PCDHA6: variants seen among roughly 807,000 people sequenced by gnomAD.
PCDHA6 encodes the protein protocadherin alpha-6.
PCDHA6 carries 55 observed loss-of-function variants against 60.3 expected under a neutral mutation model. That is an observed-to-expected ratio of 0.91 (90% CI 0.73 to 1.14). PCDHA6 has a LOEUF of 1.14. PCDHA6 is among the 50% of genes most tolerant of loss of function. The pLI, the probability that PCDHA6 is intolerant of heterozygous loss-of-function variation, is 0.00. For synonymous variants in PCDHA6, 652 were observed against 557.9 expected, an observed-to-expected ratio of 1.17 and a Z score of -2.38; for missense variants, 1,327 against 1,256.5, an observed-to-expected ratio of 1.06 and a Z score of -0.85.
intron 1 of PCDHA6, chr5:140,852,674 C>G (rs1302085462): frequency 2.9e-5 from 28 of 966,250 alleles, no homozygotes; most frequent in African/African-American, 3.6e-5. Context: ...GCACAACTCA[C>G]CTTGAATATA....
intron 1 of PCDHA6, among the ~76,000 whole-genome samples, chr5:140,965,644 G>A (rs201197561): frequency 6.6e-6 from 1 of 152,028 alleles, no homozygotes; most frequent in African/African-American, 2.4e-5. Flanking sequence ...AATTACTCTT[G>A]AAAGAAAATG....
At chr5:140,951,420 T>G (rs1212893926) in intron 1 of PCDHA6, among the ~76,000 whole-genome samples, 3 of 151,992 alleles carry the variant, frequency 2.0e-5, no homozygotes, top group African/African-American at 7.2e-5. Flanking sequence ...TGGCTCACAG[T>G]TCCACAGGCT....
intron 1 of PCDHA6, among the ~76,000 whole-genome samples, chr5:140,840,107 G>A (rs2150303526): frequency 2.6e-5 from 4 of 151,884 alleles, no homozygotes; most frequent in East Asian, 1.9e-4. Flanking sequence ...TAGTGAAATC[G>A]AGTGAAAGCT....
rs781870271 is a variant in PCDHA6, at chr5:140,968,199, T to C, written c.2395-10750T>C. The C allele has an allele frequency of 4.3e-6, 7 of 1,613,986 alleles. No homozygotes were observed. The South Asian group carries it at 7.7e-5, about 18-fold the overall frequency. The stretch of plus-strand genomic sequence containing the variant: ...CTGGAGGACTCCTATTCCATCTACA[T>C]ACAGGAGAACAATTTGCCAGGTGTG... On this transcript the variant is annotated intron_variant, in intron 1 of 3. Transcript: ENST00000529310.
At chr5:140,834,868 T>C in intron 1 of PCDHA6, 1 of 1,609,592 alleles carries the variant, frequency 6.2e-7, no homozygotes, top group Non-Finnish European at 8.5e-7. Flanking sequence ...GATGCAGATA[T>C]CGGGGAGAAC....
chr5:140,884,335 A>G, intron 1 of PCDHA6: 1 of 1,613,888 alleles, frequency 6.2e-7, no homozygotes, highest in Non-Finnish European at 8.5e-7. Flanking sequence ...CTGTGGGTCC[A>G]GAAGCGGCGC....
intron 1 of PCDHA6, among the ~76,000 whole-genome samples, chr5:140,838,075 A>AGTGTGTG (rs781914509): frequency 1.3e-4 from 17 of 128,240 alleles, no homozygotes; most frequent in East Asian, 1.2e-3. Flanking sequence ...TTATATATAT[A>AGTGTGTG]TAGTGTGTGT....
intron 1 of PCDHA6, chr5:140,928,636 A>G: frequency 6.2e-7 from 1 of 1,614,206 alleles, no homozygotes; most frequent in Non-Finnish European, 8.5e-7. Context: ...CTTGGTCACA[A>G]AAGTGGTAGC....
intron 1 of PCDHA6, among the ~76,000 whole-genome samples, chr5:140,916,064 T>G (rs1282899200): frequency 1.3e-5 from 2 of 152,156 alleles, no homozygotes; most frequent in African/African-American, 4.8e-5. Flanking sequence ...CCTCTCCCTG[T>G]GGCCAGTACT....
Position 140,851,565 on chromosome 5 carries a change from G to A in PCDHA6, c.2394+21080G>A, listed in dbSNP as rs558874725. 1.9e-4 allele frequency: 177 copies of A among 908,116 alleles called. 7 individuals carry two copies. The African/African-American group carries it at 3.0e-3, about 15-fold the overall frequency. The allele number at this position is 908,116 out of a possible 1,614,324, so 56.3% of individuals were successfully genotyped here. ...TTCAAGAAATGTTGACTGAAATTTT[G>A]TCTACACTTAGAACATTTTTTGAAA... On this transcript the variant is annotated intron_variant, in intron 1 of 3. Coordinates refer to ENST00000529310, the MANE Select transcript of PCDHA6 (RefSeq NM_018909.4).
In PCDHA6 at chr5:140,829,648, G is replaced by T; in HGVS notation, c.1557G>T (p.Ala519=). The change falls in exon 1 of 4, where the codon GCG becomes GCT. Residue 519 remains alanine (A), a synonymous_variant. Coordinates refer to ENST00000529310, the MANE Select transcript of PCDHA6 (RefSeq NM_018909.4). ...SVHAESGKVY[A]LQPLDHEELE... Reference sequence around the variant, plus strand: ...ACGCGGAGAGCGGCAAGGTGTACGCGCTGCAGCCGCTGGACCACGAGGAGC... The same window carrying T: ...ACGCGGAGAGCGGCAAGGTGTACGCTCTGCAGCCGCTGGACCACGAGGAGC... The T allele has an allele frequency of 6.2e-7, 1 of 1,612,362 alleles. No individual in the cohort carries two copies.
chr5:140,920,204 G>A (rs185996994), intron 1 of PCDHA6, among the ~76,000 whole-genome samples: 3 of 152,222 alleles, frequency 2.0e-5, no homozygotes, highest in Admixed American at 1.3e-4. Context: ...AGCAGCCACA[G>A]AAAACCAATG....
At chr5:140,844,401 C>T (rs1299971759) in intron 1 of PCDHA6, among the ~76,000 whole-genome samples, 1 of 149,242 alleles carries the variant, frequency 6.7e-6, no homozygotes, top group Non-Finnish European at 1.5e-5. Context: ...GACCATTTTA[C>T]CATTTGGAGA....
intron 1 of PCDHA6, among the ~76,000 whole-genome samples, chr5:140,838,952 A>G (rs1270544728): frequency 6.6e-6 from 1 of 152,048 alleles, no homozygotes; most frequent in Non-Finnish European, 1.5e-5. Flanking sequence ...ATAAAATAAA[A>G]TAAAAACCCA....
chr5:140,846,537 G>A (rs1780542061), intron 1 of PCDHA6, among the ~76,000 whole-genome samples: 1 of 148,262 alleles, frequency 6.7e-6, no homozygotes, highest in Admixed American at 6.8e-5. Context: ...ACCATGCCCT[G>A]CTAATTTTTT....
chr5:140,838,075 ATAGTGTGTGTGTGTGTGTGTGTGT>A (rs2150283450), intron 1 of PCDHA6, among the ~76,000 whole-genome samples: 41 of 128,134 alleles, frequency 3.2e-4, no homozygotes, highest in South Asian at 2.7e-4. Context: ...TTATATATAT[ATAGTGTGTGTGTGTGTGTGTGTGT>A]GTGTGTGTGT....
At chr5:140,972,624 G>A (rs2096543924) in intron 1 of PCDHA6, among the ~76,000 whole-genome samples, 1 of 150,616 alleles carries the variant, frequency 6.6e-6, no homozygotes, top group Non-Finnish European at 1.5e-5. Flanking sequence ...GAATGTTGTT[G>A]GCACTCCCTT....
chr5:140,934,995 T>G (rs1443676222), intron 1 of PCDHA6, among the ~76,000 whole-genome samples: 1 of 152,172 alleles, frequency 6.6e-6, no homozygotes, highest in East Asian at 1.9e-4. Context: ...ACACCCTGAA[T>G]CCTTTTCATG....
intron 1 of PCDHA6, chr5:140,870,474 C>G: frequency 6.2e-7 from 1 of 1,614,218 alleles, no homozygotes; most frequent in South Asian, 1.1e-5. Context: ...TCGCACAGCC[C>G]GAGTACACCG....
Sources: allele counts gnomAD v4.1 joint callset (sites outside exome capture counted in the v4.1 genomes callset), GRCh38; gene constraint gnomAD v4.1.1; transcripts MANE v1.5; gene names NCBI Gene and HGNC (gene_info 2026-07-23, HGNC 2026-07-21).